The following GML variants were observed in gnomAD, a reference collection of about 807,000 sequenced individuals.
GML encodes glycosyl-phosphatidylinositol-anchored molecule-like protein.
A neutral mutation model predicts 8.2 loss-of-function variants in GML; 5 were observed. The ratio of observed to expected loss-of-function variants is 0.61; its 90% CI spans 0.32 to 1.28. The LOEUF is 1.28. Among genes scored for constraint, GML ranks in the 50% most tolerant of loss-of-function variants. The pLI, the probability that GML is intolerant of heterozygous loss-of-function variation, is 0.06. For synonymous variants in GML, 72 were observed against 69.0 expected (o/e 1.04, Z -0.22); for missense variants, 191 against 198.3 (o/e 0.96, Z 0.22).
intron 1 of GML, among the ~76,000 whole-genome samples, chr8:142,838,882 T>C (rs1816382575): frequency 6.6e-6 from 1 of 152,208 alleles, no homozygotes; most frequent in Admixed American, 6.5e-5. Flanking sequence ...CAGTTTGCTG[T>C]CTTCTAGTAT....
intron 3 of GML, among the ~76,000 whole-genome samples, chr8:142,841,954 T>A (rs999988229): frequency 6.6e-6 from 1 of 152,176 alleles, no homozygotes; most frequent in African/African-American, 2.4e-5. Flanking sequence ...TTCTAAGCTT[T>A]GTGCAAAAAT....
chr8:142,846,236 G>A (rs1816501996), intron 3 of GML, among the ~76,000 whole-genome samples, 159 bp from the exon 4 acceptor site: 1 of 152,188 alleles, frequency 6.6e-6, no homozygotes, highest in African/African-American at 2.4e-5. Context: ...GGACTTGGAT[G>A]TTCTCTCTTA....
chr8:142,844,616 A>T (rs1231257536), intron 3 of GML, among the ~76,000 whole-genome samples: 1 of 152,250 alleles, frequency 6.6e-6, no homozygotes, highest in African/African-American at 2.4e-5. Flanking sequence ...TAAAAAACTG[A>T]TCAATGGAAA....
intron 3 of GML, among the ~76,000 whole-genome samples, chr8:142,844,031 T>C (rs1390852008): frequency 1.3e-5 from 2 of 151,954 alleles, no homozygotes; most frequent in African/African-American, 4.8e-5. Flanking sequence ...CAAAGCAGTC[T>C]TGGGGAAAAA....
chr8:142,842,371 T>C (rs1435933462), intron 3 of GML, among the ~76,000 whole-genome samples: 1 of 152,204 alleles, frequency 6.6e-6, no homozygotes, highest in Non-Finnish European at 1.5e-5. Context: ...ACTGCTGATT[T>C]GGGACATGGG....
At chr8:142,846,097 T>G (rs1816500478) in intron 3 of GML, among the ~76,000 whole-genome samples, 1 of 152,236 alleles carries the variant, frequency 6.6e-6, no homozygotes, top group Non-Finnish European at 1.5e-5. Flanking sequence ...ACAGGACATT[T>G]CATTGCGTGT....
intron 2 of GML, 46 bp from the exon 3 acceptor site, chr8:142,841,072 A>C: frequency 1.1e-6 from 1 of 911,858 alleles, no homozygotes. Context: ...TGGGTGGAAA[A>C]GGCGTAGTGG....
At chr8:142,835,466 C>G (rs1384103126) in intron 1 of GML, among the ~76,000 whole-genome samples, 1 of 152,200 alleles carries the variant, frequency 6.6e-6, no homozygotes, top group African/African-American at 2.4e-5. Context: ...TTTTCTGGCT[C>G]CTTGCTTTCG....
Position 142,837,296 on chromosome 8 carries a change from T to C in GML, c.-23+2428T>C, listed in dbSNP as rs181495480. Among the ~76,000 whole-genome samples the C allele has an allele frequency of 6.2e-3, 775 of 125,358 alleles. 7 individuals are homozygous for C. The highest frequency in any genetic ancestry group is 0.023 in the African/African-American group (737 of 32,626). 82.2% of individuals were successfully genotyped at this position (125,358 alleles called of 152,430 possible). A position where few individuals can be genotyped will look rare whatever the true frequency, so the allele number is the denominator to read the frequency against. ...ACCTGCAGGACAGAGCGAGACTCTG[T>C]TTCAAAAAAAGAAACTATGTCTCTT... is the stretch of plus-strand genomic sequence containing the variant. On this transcript the variant is annotated intron_variant, in intron 1 of 3. Coordinates refer to ENST00000220940, the MANE Select transcript of GML (RefSeq NM_002066.3).
At chr8:142,836,800 G>A (rs964142310) in intron 1 of GML, among the ~76,000 whole-genome samples, 2 of 152,204 alleles carry the variant, frequency 1.3e-5, no homozygotes, top group African/African-American at 4.8e-5. Context: ...TGCCTCTGGA[G>A]CCGGCCCTGT....
chr8:142,843,289 CA>C (rs1563859568), intron 3 of GML, among the ~76,000 whole-genome samples: 69 of 150,858 alleles, frequency 4.6e-4, no homozygotes, highest in African/African-American at 1.6e-3. Context: ...CACACACACA[CA>C]CACACACACC....
chr8:142,839,009 T>C (rs1318893891), intron 1 of GML, among the ~76,000 whole-genome samples: 2 of 152,196 alleles, frequency 1.3e-5, no homozygotes, highest in East Asian at 1.9e-4. Context: ...AGAAGGGTGT[T>C]CAGAATGTCT....
chr8:142,838,984 C>G (rs904629439), intron 1 of GML, among the ~76,000 whole-genome samples: 1 of 152,204 alleles, frequency 6.6e-6, no homozygotes, highest in Non-Finnish European at 1.5e-5. Context: ...TGCATGTGCT[C>G]TGGGCATTGA....
intron 1 of GML, among the ~76,000 whole-genome samples, chr8:142,839,287 A>G (rs1242511288): frequency 6.6e-6 from 1 of 152,176 alleles, no homozygotes; most frequent in Non-Finnish European, 1.5e-5. Context: ...GGTCTCCTGC[A>G]TGCCAGAGGT....
At chr8:142,841,404 T>G (rs1010013653) in intron 3 of GML, among the ~76,000 whole-genome samples, 179 bp downstream of exon 3, 1 of 152,292 alleles carries the variant, frequency 6.6e-6, no homozygotes, top group East Asian at 1.9e-4. Flanking sequence ...TAGGCCAGCA[T>G]GCATCATCTT....
At chr8:142,839,752 G>A (rs1170508221) in intron 1 of GML, among the ~76,000 whole-genome samples, 1 of 152,194 alleles carries the variant, frequency 6.6e-6, no homozygotes, top group African/African-American at 2.4e-5. Flanking sequence ...CAACTGATTG[G>A]TGACCTGGGG....
At chr8:142,838,765 T>C (rs58529772) in intron 1 of GML, among the ~76,000 whole-genome samples, 23,947 of 152,068 alleles carry the variant, frequency 0.16, 2,299 homozygotes, top group East Asian at 0.48. Flanking sequence ...GCACTCACCT[T>C]GGCCCTGGCT....
At chr8:142,836,607 A>G (rs1429969614) in intron 1 of GML, among the ~76,000 whole-genome samples, 1 of 152,164 alleles carries the variant, frequency 6.6e-6, no homozygotes, top group Non-Finnish European at 1.5e-5. Context: ...ATATCCTGTG[A>G]TGTTTTTATT....
rs1215965547 is a variant in GML at position 142,846,851 on chromosome 8, A to T, written c.*161A>T. On this transcript the variant is annotated 3_prime_UTR_variant, in exon 4 of 4. Coordinates refer to ENST00000220940, the MANE Select transcript of GML (RefSeq NM_002066.3). Reference sequence around the variant, plus strand: ...AAATTAAAAAAATATTGTTTAGTGGAGATGTTCATGAGCATTTGTTTGCCT... The same window carrying T: ...AAATTAAAAAAATATTGTTTAGTGGTGATGTTCATGAGCATTTGTTTGCCT... 1.7e-6 allele frequency: 1 copy of T among 584,524 alleles called. No homozygotes were observed. The highest frequency in any genetic ancestry group is 3.1e-5 in the Admixed American group (1 of 31,892). The allele number at this position is 584,524 out of a possible 1,614,324, so 36.2% of individuals were successfully genotyped here.
Sources: gnomAD v4.1 joint callset for allele counts (sites outside exome capture counted in the v4.1 genomes callset) on GRCh38, gnomAD v4.1.1 for gene constraint, MANE v1.5 for transcripts, NCBI Gene and HGNC (gene_info 2026-07-23, HGNC 2026-07-21) for gene names.